Variants in SERPINB10 observed in about 807,000 individuals in gnomAD.
SERPINB10 encodes the protein serpin B10.
Under a neutral mutation model 39.1 loss-of-function variants are expected in SERPINB10, and 35 were observed. The ratio of observed to expected loss-of-function variants is 0.90; its 90% confidence interval spans 0.68 to 1.19. The LOEUF is 1.19. SERPINB10 is among the 50% of genes most tolerant of loss of function. The probability of loss-of-function intolerance (pLI) is 0.00; values close to 1 mark genes in which losing one functional copy is unlikely to be tolerated. For synonymous variants in SERPINB10, 190 were observed against 158.1 expected, an observed-to-expected ratio of 1.20 and a Z score of -1.52; for missense variants, 546 against 460.5, an observed-to-expected ratio of 1.19 and a Z score of -1.70.
chr18:63,925,456 T>C (rs549403816), intron 5 of SERPINB10, among the ~76,000 whole-genome samples: 6 of 152,086 alleles, frequency 3.9e-5, no homozygotes, highest in South Asian at 2.1e-4. Context: ...TAAGGACTTT[T>C]TGTGGTGACA....
At chr18:63,924,821 T>C (rs2050169485) in intron 5 of SERPINB10, among the ~76,000 whole-genome samples, 1 of 151,988 alleles carries the variant, frequency 6.6e-6, no homozygotes, top group South Asian at 2.1e-4. Context: ...TTTCCAGTCC[T>C]TTAATGGCAT....
chr18:63,922,981 T>G (rs757019990), intron 5 of SERPINB10, among the ~76,000 whole-genome samples: 80 of 152,100 alleles, frequency 5.3e-4, no homozygotes, highest in South Asian at 8.3e-4. Context: ...AAATAATCTT[T>G]TACTTTATGG....
At chr18:63,931,327 C>T (rs1162041035) in intron 6 of SERPINB10, among the ~76,000 whole-genome samples, 1 of 152,170 alleles carries the variant, frequency 6.6e-6, no homozygotes, top group Non-Finnish European at 1.5e-5. Context: ...AGTCTTCAAG[C>T]TTCACAACTC....
chr18:63,935,271 C>G lies in SERPINB10; in HGVS notation c.*29C>G, dbSNP rs1425612679. 6 of 1,511,742 alleles carry G rather than the reference C, an allele frequency of 4.0e-6. No individual in the cohort carries two copies. Among genetic ancestry groups the G allele is most frequent in the Non-Finnish European group, 5.3e-6 (6 of 1,136,806 alleles). The allele number at this position is 1,511,742 out of a possible 1,614,324, so 93.6% of individuals were successfully genotyped here. On this transcript the variant is annotated 3_prime_UTR_variant, in exon 8 of 8. Coordinates refer to ENST00000238508, the MANE Select transcript of SERPINB10 (RefSeq NM_005024.3). Reference sequence around the variant, plus strand: ...CTGCATATCTCTCAACAAACAAGACCATCTTACAGTGTGAAAAATGTACCA... The same window carrying G: ...CTGCATATCTCTCAACAAACAAGACGATCTTACAGTGTGAAAAATGTACCA...
chr18:63,909,657 AC>A (rs1776573892), intron 1 of SERPINB10, among the ~76,000 whole-genome samples: 1 of 151,884 alleles, frequency 6.6e-6, no homozygotes, highest in Admixed American at 6.6e-5. Flanking sequence ...AGGTAGAAAA[AC>A]CCCAGCCTCT....
At position 63,915,657 on chromosome 18, in the gene SERPINB10, C is replaced by T. The variant is rs1252685231; in HGVS notation, c.147C>T (p.Thr49=). 9 of 1,610,194 alleles carry T rather than the reference C, an allele frequency of 5.6e-6. No individual in the cohort carries two copies. The highest frequency in any genetic ancestry group is 7.6e-6 in the Non-Finnish European group (9 of 1,177,732). Residue 49 remains threonine (T), a synonymous_variant, in exon 2 of 8, where the codon ACC becomes ACT. Transcript: ENST00000238508. ...TAGTGTATTTGGGCGCCAAAGGTAC[C>T]ACTGCAGCCCAAATGGCCCAGGTGA... The part of the protein sequence containing the change: ...LTIVYLGAKG[T]TAAQMAQVLQ...
At chr18:63,927,885 T>C (rs1274795102) in intron 5 of SERPINB10, among the ~76,000 whole-genome samples, 6 of 152,066 alleles carry the variant, frequency 3.9e-5, no homozygotes, top group Non-Finnish European at 8.8e-5. Flanking sequence ...TTATACTAGG[T>C]ATATGCCAGC....
rs145475233 is a variant in SERPINB10, at chr18:63,933,106, T to C, written c.692T>C (p.Ile231Thr). The C allele has an allele frequency of 3.1e-6, 5 of 1,614,026 alleles. No homozygotes were observed. Among genetic ancestry groups the C allele is most frequent in the African/African-American group, 1.3e-5 (1 of 75,052 alleles). Reference sequence around the variant, plus strand: ...AAGAAAAAGCTTCACATTTTTCACATAGAAAAGCCAAAAGCAGTGGGCCTT... The same window carrying C: ...AAGAAAAAGCTTCACATTTTTCACACAGAAAAGCCAAAAGCAGTGGGCCTT... ...FMKKKLHIFHIEKPKAVGLQL... is the reference protein window; with the variant it reads ...FMKKKLHIFHTEKPKAVGLQL... Residue 231 changes from isoleucine to threonine, a missense_variant, in exon 7 of 8, where the codon ATA becomes ACA. Physicochemically the swap from Ile to Thr is moderately conservative, Grantham distance 89 (BLOSUM62 -1). Coordinates refer to ENST00000238508, the MANE Select transcript of SERPINB10 (RefSeq NM_005024.3).
At chr18:63,929,712 C>CAAAA (rs74169990) in intron 5 of SERPINB10, among the ~76,000 whole-genome samples, 11 of 97,340 alleles carry the variant, frequency 1.1e-4, no homozygotes, top group South Asian at 3.8e-4. Flanking sequence ...AGCTAAAGTG[C>CAAAA]AAAAAAAAAA....
At position 63,915,619 on chromosome 18, in the gene SERPINB10, A is replaced by G; in HGVS notation, c.109A>G (p.Thr37Ala). 6.2e-7 allele frequency: 1 copy of G among 1,612,766 alleles called. No individual in the cohort carries two copies. The highest frequency in any genetic ancestry group is 2.2e-5 in the East Asian group (1 of 44,820). The change falls in exon 2 of 8, where the codon ACT (threonine) becomes GCT (alanine). Residue 37 changes from threonine (T) to alanine (A), a missense_variant. By Grantham distance (58) the Thr-to-Ala change is moderately conservative (BLOSUM62 0). Coordinates refer to ENST00000238508, the MANE Select transcript of SERPINB10 (RefSeq NM_005024.3). Reference sequence around the variant, plus strand: ...CTTCTTTTCTTCCTGGAGCATCTCAACTTCCTTGACCATAGTGTATTTGGG... The same window carrying G: ...CTTCTTTTCTTCCTGGAGCATCTCAGCTTCCTTGACCATAGTGTATTTGGG... Reference protein sequence around the residue: ...NIFFSSWSISTSLTIVYLGAK... With the variant: ...NIFFSSWSISASLTIVYLGAK...
chr18:63,917,373 C>A, intron 2 of SERPINB10, 83 bp from the exon 3 acceptor site: 1 of 739,790 alleles, frequency 1.4e-6, no homozygotes, highest in Non-Finnish European at 2.1e-6. Flanking sequence ...ATAGGAATGA[C>A]TGACTTGTAT....
chr18:63,931,383 G>C (rs1382992163), intron 6 of SERPINB10, among the ~76,000 whole-genome samples: 1 of 152,130 alleles, frequency 6.6e-6, no homozygotes, highest in Non-Finnish European at 1.5e-5. Flanking sequence ...GAGGGCTCTG[G>C]TTGGGGCCAT....
At chr18:63,927,383 C>A (rs1211700010) in intron 5 of SERPINB10, among the ~76,000 whole-genome samples, 3 of 151,960 alleles carry the variant, frequency 2.0e-5, no homozygotes, top group East Asian at 3.9e-4. Flanking sequence ...GCTGCTATAA[C>A]AAAACATCTT....
intron 7 of SERPINB10, among the ~76,000 whole-genome samples, chr18:63,934,065 G>C (rs1338004745): frequency 1.3e-5 from 2 of 152,156 alleles, no homozygotes; most frequent in African/African-American, 2.4e-5. Flanking sequence ...AATTTCCTGA[G>C]CTGAAGATAC....
chr18:63,926,634 G>T lies in SERPINB10; in HGVS notation c.491-3411G>T, dbSNP rs4940599. Among the ~76,000 whole-genome samples, 1,396 of 152,074 alleles carry T rather than the reference G, an allele frequency of 9.2e-3. 65 individuals carry two copies. The East Asian group carries it at 0.13, about 14-fold the overall frequency. On this transcript the variant is annotated intron_variant, in intron 5 of 7. Coordinates refer to ENST00000238508, the MANE Select transcript of SERPINB10 (RefSeq NM_005024.3). ...AACAAATGGGAAGTCTTTCTTAAAG[G>T]TGTCAAGGTCATGAAAGACAATGAA...
intron 4 of SERPINB10, 92 bp from the exon 5 acceptor site, chr18:63,919,696 C>G: frequency 1.2e-6 from 1 of 827,498 alleles, no homozygotes; most frequent in Non-Finnish European, 1.9e-6. Flanking sequence ...TGCAATTGCC[C>G]GCCTACCTAG....
At chr18:63,918,155 A>T (rs995535016) in intron 4 of SERPINB10, 53 bp downstream of exon 4, 5 of 1,575,772 alleles carry the variant, frequency 3.2e-6, no homozygotes, top group Non-Finnish European at 3.5e-6. Flanking sequence ...GCAATGTGAG[A>T]CCAATCAGTA....
intron 4 of SERPINB10, among the ~76,000 whole-genome samples, chr18:63,918,865 C>T (rs1449639886): frequency 1.3e-5 from 2 of 151,882 alleles, no homozygotes; most frequent in Non-Finnish European, 2.9e-5. Context: ...ACATGATTGA[C>T]TCAGTGGGCA....
At position 63,918,026 on chromosome 18, in the gene SERPINB10, T is replaced by C. The variant is rs724558; in HGVS notation, c.296T>C (p.Ile99Thr). The change falls in exon 4 of 8, where the codon ATC (isoleucine) becomes ACC (threonine). Residue 99 changes from isoleucine to threonine, a missense_variant. Physicochemically the swap from Ile to Thr is moderately conservative, Grantham distance 89 (BLOSUM62 -1). Coordinates refer to ENST00000238508, the MANE Select transcript of SERPINB10 (RefSeq NM_005024.3). ...HSDFQTLISE[I>T]LKPNDDYLLK... ...GATTTCCAAACACTTATCTCAGAAATCCTCAAGCCCAACGATGACTACTTA... is the reference window on the plus strand; with the variant it reads ...GATTTCCAAACACTTATCTCAGAAACCCTCAAGCCCAACGATGACTACTTA... 0.2 allele frequency: 322,591 copies of C among 1,611,484 alleles called. 33,831 individuals carry two copies. Among genetic ancestry groups the C allele is most frequent in the Admixed American group, 0.34 (20,290 of 59,776 alleles).
Sources: allele counts gnomAD v4.1 joint callset (sites outside exome capture counted in the v4.1 genomes callset), GRCh38; gene constraint gnomAD v4.1.1; transcripts MANE v1.5; gene names NCBI Gene and HGNC (gene_info 2026-07-23, HGNC 2026-07-21).